The following ZNF274 variants were observed in gnomAD, a reference collection of about 807,000 sequenced individuals.
ZNF274 encodes neurotrophin receptor-interacting factor homolog.
ZNF274 carries 23 observed loss-of-function variants against 42.5 expected under a neutral mutation model. That is an observed-to-expected ratio of 0.54 (90% CI 0.39 to 0.77). The LOEUF (loss-of-function observed/expected upper bound fraction) is 0.77. Among genes scored for constraint, ZNF274 ranks in the 30% least tolerant of loss-of-function variants. The probability of loss-of-function intolerance (pLI) is 0.00; values close to 1 mark genes in which losing one functional copy is unlikely to be tolerated. For missense variants in ZNF274, 679 were observed against 806.5 expected (o/e 0.84, Z 1.91); for synonymous variants, 292 against 305.4 (o/e 0.96, Z 0.46).
At chr19:58,198,479 G>A (rs2075870021) in intron 4 of ZNF274, among the ~76,000 whole-genome samples, 2 of 152,176 alleles carry the variant, frequency 1.3e-5, no homozygotes, top group African/African-American at 4.8e-5. Flanking sequence ...CAGAAGATGA[G>A]CATAAAAATT....
intron 4 of ZNF274, among the ~76,000 whole-genome samples, chr19:58,203,739 G>A (rs561887503): frequency 1.3e-5 from 2 of 152,206 alleles, no homozygotes; most frequent in Non-Finnish European, 2.9e-5. Context: ...AAATGAGTTG[G>A]AGAGGCCAAG....
At chr19:58,190,885 G>A (rs537035753) in intron 4 of ZNF274, among the ~76,000 whole-genome samples, 117 of 152,278 alleles carry the variant, frequency 7.7e-4, no homozygotes, top group African/African-American at 2.7e-3. Context: ...TGACCTGTTT[G>A]CCACAGAATA....
chr19:58,188,674 G>GTATATATA (rs1555816846), intron 4 of ZNF274, among the ~76,000 whole-genome samples: 4 of 84,902 alleles, frequency 4.7e-5, no homozygotes, highest in African/African-American at 2.4e-4. Context: ...GTGTGTGTGT[G>GTATATATA]TGTATATATA....
intron 6 of ZNF274, 117 bp downstream of exon 6, chr19:58,210,190 T>C: frequency 1.4e-6 from 1 of 729,570 alleles, no homozygotes; most frequent in Non-Finnish European, 2.3e-6. Context: ...TGGGACATTC[T>C]GAGATTCTGA....
intron 4 of ZNF274, among the ~76,000 whole-genome samples, chr19:58,203,594 AAAG>A (rs2075942999): frequency 2.0e-5 from 3 of 151,842 alleles, no homozygotes; most frequent in Admixed American, 6.5e-5. Flanking sequence ...AAAAAAAAAA[AAAG>A]AAAAAAACGC....
intron 4 of ZNF274, 58 bp downstream of exon 4, chr19:58,187,100 C>T (rs1209732266): frequency 7.0e-7 from 1 of 1,434,544 alleles, no homozygotes; most frequent in Non-Finnish European, 9.7e-7. Flanking sequence ...GAGTCAGGGA[C>T]CAGTATCTTG....
chr19:58,199,825 G>C lies in ZNF274; in HGVS notation c.257-6895G>C, dbSNP rs993212296. On this transcript the variant is annotated intron_variant, in intron 4 of 7. Transcript: ENST00000617501. ...ACCAAAGAATAAATTATTAAAGAAT[G>C]AGCAGGACCTATTTGAAGAAAGTTG... 5.9e-5 allele frequency among the ~76,000 whole-genome samples: 9 copies of C among 152,348 alleles called. No individual in the cohort carries two copies. The East Asian group carries it at 1.7e-3, about 29-fold the overall frequency.
chr19:58,203,721 G>A (rs77892844), intron 4 of ZNF274, among the ~76,000 whole-genome samples: 2,650 of 152,226 alleles, frequency 0.017, 23 homozygotes, highest in African/African-American at 0.025. Context: ...ACAGATCAGA[G>A]CACTTATAAA....
chr19:58,204,773 G>T (rs1331854935), intron 4 of ZNF274, among the ~76,000 whole-genome samples: 1 of 152,088 alleles, frequency 6.6e-6, no homozygotes, highest in African/African-American at 2.4e-5. Flanking sequence ...CACCGCGCGG[G>T]GCAGGAATAT....
Position 58,183,935 on chromosome 19 carries a change from C to T in ZNF274, c.-31C>T, listed in dbSNP as rs1439849960. ...GGTTTCCTCAGGACTCTGCCCACTT[C>T]CACCAGAGACACATTGAGAAGGAGG... On this transcript the variant is annotated 5_prime_UTR_variant, in exon 2 of 8. Coordinates refer to ENST00000617501, the MANE Select transcript of ZNF274 (RefSeq NM_133502.3). The T allele has an allele frequency of 3.2e-6, 5 of 1,584,862 alleles. No individual in the cohort carries two copies. In the African/African-American group the frequency reaches 5.4e-5, roughly 17 times the overall value.
At chr19:58,204,683 T>C (rs1292184701) in intron 4 of ZNF274, among the ~76,000 whole-genome samples, 1 of 152,102 alleles carries the variant, frequency 6.6e-6, no homozygotes, top group Non-Finnish European at 1.5e-5. Flanking sequence ...GTAGTGCAGG[T>C]TTTACTGCTT....
At chr19:58,192,852 C>T (rs1299639550) in intron 4 of ZNF274, among the ~76,000 whole-genome samples, 1 of 152,134 alleles carries the variant, frequency 6.6e-6, no homozygotes, top group Non-Finnish European at 1.5e-5. Flanking sequence ...TCAAGTGATC[C>T]TCCTGCCTCA....
intron 4 of ZNF274, among the ~76,000 whole-genome samples, chr19:58,188,694 G>GTATATATATATATATATATATGTATA (rs2075738678): frequency 1.3e-5 from 1 of 74,656 alleles, no homozygotes; most frequent in Non-Finnish European, 2.5e-5. Context: ...ATATGTATAT[G>GTATATATATATATATATATATGTATA]TATATATATA....
intron 4 of ZNF274, among the ~76,000 whole-genome samples, chr19:58,204,555 G>T (rs983940720): frequency 5.3e-5 from 8 of 152,082 alleles, no homozygotes; most frequent in Admixed American, 4.6e-4. Flanking sequence ...GGCGGCTTCC[G>T]GGCTCTGAAA....
At chr19:58,193,151 CTTTT>C (rs747568011) in intron 4 of ZNF274, among the ~76,000 whole-genome samples, 2 of 142,470 alleles carry the variant, frequency 1.4e-5, no homozygotes, top group Non-Finnish European at 3.1e-5. Context: ...TATCTTTTTT[CTTTT>C]TTTTTTTTTG....
chr19:58,201,827 G>T (rs2075915738), intron 4 of ZNF274, among the ~76,000 whole-genome samples: 2 of 152,064 alleles, frequency 1.3e-5, no homozygotes, highest in Non-Finnish European at 2.9e-5. Flanking sequence ...TTTCTTTTGT[G>T]TATGGTGTAC....
chr19:58,209,457 T>C (rs952457064), intron 5 of ZNF274: 1 of 152,514 alleles, frequency 6.6e-6, no homozygotes, highest in Non-Finnish European at 1.5e-5. Context: ...GCTGTTGTTT[T>C]CTTAGGTGGA....
chr19:58,199,973 G>A (rs1314680617), intron 4 of ZNF274, among the ~76,000 whole-genome samples: 3 of 152,230 alleles, frequency 2.0e-5, no homozygotes. Context: ...ATCAACCTCT[G>A]GAGAAATGCT....
At chr19:58,183,727 T>C in intron 1 of ZNF274, 194 bp from the exon 2 acceptor site, 1 of 509,286 alleles carries the variant, frequency 2.0e-6, no homozygotes, top group Non-Finnish European at 3.5e-6. Context: ...CAGAGGAGGC[T>C]CGGTGTCCTC....
Sources: gnomAD v4.1 joint callset for allele counts (sites outside exome capture counted in the v4.1 genomes callset) on GRCh38, gnomAD v4.1.1 for gene constraint, MANE v1.5 for transcripts, NCBI Gene and HGNC (gene_info 2026-07-23, HGNC 2026-07-21) for gene names.